The following KIAA1217 variants were observed in gnomAD, a reference collection of about 807,000 sequenced individuals.
KIAA1217 encodes the protein sickle tail protein homolog.
KIAA1217 carries 88 observed loss-of-function variants against 163.9 expected under a neutral mutation model. The observed-to-expected ratio is 0.54, with a 90% CI of 0.45 to 0.64. The LOEUF (loss-of-function observed/expected upper bound fraction) is 0.64. KIAA1217 is among the 30% of genes least tolerant of loss of function. KIAA1217 has a pLI of 0.00. For missense variants in KIAA1217, 2,372 were observed against 2,475.0 expected (o/e 0.96, Z 0.88); for synonymous variants, 903 against 923.1 (o/e 0.98, Z 0.39).
chr10:23,816,885 T>A (rs1387178507), intron 1 of KIAA1217, among the ~76,000 whole-genome samples: 1 of 152,124 alleles, frequency 6.6e-6, no homozygotes, highest in Non-Finnish European at 1.5e-5. Flanking sequence ...TCATAGAAAT[T>A]CTGGGAAACA....
intron 1 of KIAA1217, among the ~76,000 whole-genome samples, chr10:23,801,268 T>C (rs1836453189): frequency 6.6e-6 from 1 of 152,140 alleles, no homozygotes. Flanking sequence ...AAGTGGCAGT[T>C]GAACAATGAG....
At chr10:24,229,403 C>T (rs2071051431) in intron 2 of KIAA1217, among the ~76,000 whole-genome samples, 1 of 152,194 alleles carries the variant, frequency 6.6e-6, no homozygotes, top group Admixed American at 6.5e-5. Context: ...TTATTCTAAT[C>T]CAATGGCGAA....
chr10:24,152,520 A>G (rs2064667835), intron 2 of KIAA1217, among the ~76,000 whole-genome samples: 1 of 152,214 alleles, frequency 6.6e-6, no homozygotes. Flanking sequence ...CTCTTTGTGC[A>G]TGAAGTACAC....
intron 2 of KIAA1217, among the ~76,000 whole-genome samples, chr10:24,353,119 A>G (rs184318681): frequency 3.5e-4 from 54 of 152,220 alleles, no homozygotes; most frequent in African/African-American, 1.3e-3. Context: ...TGTTCAGACA[A>G]GCCAGGGGCA....
intron 2 of KIAA1217, among the ~76,000 whole-genome samples, chr10:24,299,076 G>T (rs1001105514): frequency 1.3e-5 from 2 of 152,112 alleles, no homozygotes; most frequent in African/African-American, 2.4e-5. Flanking sequence ...TGCAAAAAAT[G>T]TTACAAATTG....
At chr10:24,391,333 CTTTTTTTTT>C (rs768727392) in intron 3 of KIAA1217, among the ~76,000 whole-genome samples, 29 of 29,886 alleles carry the variant, frequency 9.7e-4, no homozygotes, top group African/African-American at 6.4e-3. Context: ...TTCTTTCTTT[CTTTTTTTTT>C]TTTTTTTTTT....
intron 2 of KIAA1217, among the ~76,000 whole-genome samples, chr10:24,315,929 TG>T (rs11350159): frequency 0.34 from 48,637 of 141,890 alleles, 8,581 homozygotes; most frequent in African/African-American, 0.37. Context: ...TTTTATCTAA[TG>T]GGGGGGGGGA....
At chr10:24,275,086 C>G (rs1034918573) in intron 2 of KIAA1217, among the ~76,000 whole-genome samples, 1 of 152,116 alleles carries the variant, frequency 6.6e-6, no homozygotes, top group Admixed American at 6.5e-5. Flanking sequence ...TACAGGCACA[C>G]GCCACCATGC....
At chr10:23,883,973 A>G (rs1169974768) in intron 1 of KIAA1217, among the ~76,000 whole-genome samples, 1 of 151,922 alleles carries the variant, frequency 6.6e-6, no homozygotes, top group East Asian at 1.9e-4. Context: ...GTAATATCCT[A>G]TTGTCTGGAT....
intron 1 of KIAA1217, among the ~76,000 whole-genome samples, chr10:23,880,480 G>A (rs1000545774): frequency 6.6e-6 from 1 of 151,874 alleles, no homozygotes; most frequent in African/African-American, 2.4e-5. Flanking sequence ...AGGGAAGTGG[G>A]AGATGGTTAA....
intron 1 of KIAA1217, among the ~76,000 whole-genome samples, chr10:23,824,244 A>C (rs1837762429): frequency 6.6e-6 from 1 of 152,094 alleles, no homozygotes; most frequent in African/African-American, 2.4e-5. Flanking sequence ...ACTGTACTGC[A>C]GACTGAGTGA....
intron 2 of KIAA1217, among the ~76,000 whole-genome samples, chr10:24,372,658 T>C (rs12244944): frequency 0.035 from 5,265 of 152,218 alleles, 319 homozygotes; most frequent in African/African-American, 0.12. Context: ...GGTGAAATTA[T>C]TTAAAAAGAA....
chr10:24,333,437 A>G (rs1276327288), intron 2 of KIAA1217, among the ~76,000 whole-genome samples: 1 of 152,046 alleles, frequency 6.6e-6, no homozygotes, highest in East Asian at 1.9e-4. Context: ...TCATAATTTC[A>G]ATTTTTATTT....
chr10:23,841,146 T>C (rs2131067201), intron 1 of KIAA1217, among the ~76,000 whole-genome samples: 1 of 152,348 alleles, frequency 6.6e-6, no homozygotes, highest in African/African-American at 2.4e-5. Flanking sequence ...ATGTGACTTT[T>C]ATTACTATTA....
At chr10:24,191,176 C>T (rs915192183) in intron 2 of KIAA1217, among the ~76,000 whole-genome samples, 3 of 151,772 alleles carry the variant, frequency 2.0e-5, no homozygotes, top group Admixed American at 2.0e-4. Flanking sequence ...TAAGACTCCT[C>T]TCAAAAAAAA....
chr10:23,714,886 G>A (rs1414355379), intron 1 of KIAA1217, among the ~76,000 whole-genome samples: 7 of 152,090 alleles, frequency 4.6e-5, no homozygotes, highest in African/African-American at 1.7e-4. Context: ...AAGACCCAGA[G>A]CTTATATACC....
intron 2 of KIAA1217, among the ~76,000 whole-genome samples, chr10:24,008,969 T>C (rs1847129529): frequency 6.6e-6 from 1 of 152,208 alleles, no homozygotes; most frequent in Non-Finnish European, 1.5e-5. Context: ...TTTAGCGTTG[T>C]ACAAGCAGCA....
At chr10:23,950,801 C>G (rs576560929) in intron 1 of KIAA1217, among the ~76,000 whole-genome samples, 97 of 152,204 alleles carry the variant, frequency 6.4e-4, no homozygotes, top group Admixed American at 2.0e-3. Context: ...GTCTGTTTCT[C>G]TCTAGTAGAA....
At chr10:24,393,719 A>G (rs1025185473) in intron 3 of KIAA1217, among the ~76,000 whole-genome samples, 19 of 152,220 alleles carry the variant, frequency 1.2e-4, no homozygotes, top group African/African-American at 3.9e-4. Flanking sequence ...AGATTTGGAT[A>G]TAGACGTGTA....
Sources: allele counts gnomAD v4.1 joint callset (sites outside exome capture counted in the v4.1 genomes callset), GRCh38; gene constraint gnomAD v4.1.1; transcripts MANE v1.5; gene names NCBI Gene and HGNC (gene_info 2026-07-23, HGNC 2026-07-21).